Variants in OGA observed in about 807,000 individuals in gnomAD.
OGA encodes the protein protein O-GlcNAcase.
Under a neutral mutation model 102.0 loss-of-function variants are expected in OGA, and 21 were observed. The observed-to-expected ratio is 0.21, with a 90% CI of 0.15 to 0.30. The LOEUF (loss-of-function observed/expected upper bound fraction) is 0.30, where lower values mean the gene tolerates loss of function less well. Ranked by LOEUF, OGA falls within the 10% of genes least tolerant of loss-of-function variation. OGA has a pLI of 1.00. For missense variants in OGA, 765 were observed against 1,107.8 expected, an observed-to-expected ratio of 0.69 and a Z score of 4.39; for synonymous variants, 408 against 378.2, an observed-to-expected ratio of 1.08 and a Z score of -0.91.
At chr10:101,793,562 T>A (rs1221622020) in intron 11 of OGA, 1 of 164,234 alleles carries the variant, frequency 6.1e-6, no homozygotes, top group Admixed American at 6.2e-5. Context: ...TCACCATTTA[T>A]TGGCATAATT....
chr10:101,794,198 T>G (rs1265706683), intron 10 of OGA, 200 bp from the exon 11 acceptor site: 3 of 391,978 alleles, frequency 7.7e-6, no homozygotes, highest in African/African-American at 6.2e-5. Context: ...CTCCAATTAA[T>G]GAATAATCAG....
intron 7 of OGA, among the ~76,000 whole-genome samples, chr10:101,802,830 T>C (rs556661383): frequency 1.3e-5 from 2 of 150,460 alleles, no homozygotes; most frequent in East Asian, 4.0e-4. Context: ...AGTAAGCCAA[T>C]GTCTAAAATA....
At chr10:101,816,746 T>C (rs1357080061) in intron 1 of OGA, among the ~76,000 whole-genome samples, 1 of 152,188 alleles carries the variant, frequency 6.6e-6, no homozygotes, top group Non-Finnish European at 1.5e-5. Context: ...AGCAGCAAAG[T>C]AGCCTGTTAT....
chr10:101,817,406 G>A (rs551911234), intron 1 of OGA, among the ~76,000 whole-genome samples: 3 of 152,338 alleles, frequency 2.0e-5, no homozygotes, highest in African/African-American at 7.2e-5. Flanking sequence ...CACTCCAGAA[G>A]TACAAGCACG....
rs1455579483 is a variant in OGA, at chr10:101,786,322, GTCT to G, written c.*126_*128del. ...AAGTGTGATGGGTGAGTTTTACATA[GTCT>G]TCTTTGTTTCGAATCCAATTGGCTG... is the stretch of plus-strand genomic sequence containing the variant. On this transcript the variant is annotated 3_prime_UTR_variant, in exon 16 of 16. Transcript: ENST00000361464. The G allele has an allele frequency of 3.2e-5, 31 of 975,568 alleles. No individual in the cohort carries two copies. The highest frequency in any genetic ancestry group is 4.3e-5 in the Non-Finnish European group (30 of 701,396). The allele number at this position is 975,568 out of a possible 1,614,324, so 60.4% of individuals were successfully genotyped here.
chr10:101,792,976 T>G, intron 11 of OGA, 33 bp from the exon 12 acceptor site: 1 of 1,555,490 alleles, frequency 6.4e-7, no homozygotes, highest in Non-Finnish European at 8.9e-7. Context: ...ATGGATTAGT[T>G]TGGGGAAGGT....
At position 101,784,812 on chromosome 10, in the gene OGA, T is replaced by C. The variant is rs1008382053; in HGVS notation, c.*1639A>G. ...AGGAAAACTCAGCTGTCTTACTATC[T>C]GGTAAGAGTCTTCCCTTCATCTCAA... On this transcript the variant is annotated 3_prime_UTR_variant, in exon 16 of 16. Coordinates refer to ENST00000361464, the MANE Select transcript of OGA (RefSeq NM_012215.5). 2 of 152,266 alleles carry C rather than the reference T, an allele frequency of 1.3e-5. No individual in the cohort carries two copies. Among genetic ancestry groups the C allele is most frequent in the African/African-American group, 4.8e-5 (2 of 41,478 alleles). 9.4% of individuals were successfully genotyped at this position (152,266 alleles called of 1,614,324 possible).
At chr10:101,799,524 T>TA in intron 8 of OGA, 69 bp from the exon 9 acceptor site, 1 of 1,429,422 alleles carries the variant, frequency 7.0e-7, no homozygotes, top group East Asian at 2.3e-5. Context: ...TAGAACACAT[T>TA]AGATTCAGAA....
rs2065671584 is a variant in OGA at position 101,818,391 on chromosome 10, G to T, written c.-369C>A. 2.9e-6 allele frequency: 3 copies of T among 1,030,912 alleles called. No homozygotes were observed. Among genetic ancestry groups the T allele is most frequent in the African/African-American group, 3.4e-5 (2 of 58,756 alleles). 63.9% of individuals were successfully genotyped at this position (1,030,912 alleles called of 1,614,324 possible). On this transcript the variant is annotated 5_prime_UTR_variant, in exon 1 of 16. Transcript: ENST00000361464. ...AGGTCTTCCGCTGTTTCCCCTCCAAGCCCCGAGCTCTCCCTCTGCTGCTGC... is the reference window on the plus strand; with the variant it reads ...AGGTCTTCCGCTGTTTCCCCTCCAATCCCCGAGCTCTCCCTCTGCTGCTGC...
chr10:101,797,796 T>C, intron 10 of OGA, 184 bp downstream of exon 10: 1 of 621,160 alleles, frequency 1.6e-6, no homozygotes, highest in Non-Finnish European at 2.8e-6. Context: ...TTAATGTGCT[T>C]GATGTATTTA....
At chr10:101,795,026 G>A (rs2065299184) in intron 10 of OGA, among the ~76,000 whole-genome samples, 1 of 152,072 alleles carries the variant, frequency 6.6e-6, no homozygotes, top group Non-Finnish European at 1.5e-5. Flanking sequence ...GTTTGTATCT[G>A]GTTTGTCATT....
chr10:101,818,092 G>C lies in OGA; in HGVS notation c.-70C>G. 4 of 1,447,348 alleles carry C rather than the reference G, an allele frequency of 2.8e-6. No individual in the cohort carries two copies. Among genetic ancestry groups the C allele is most frequent in the Non-Finnish European group, 1.8e-6 (2 of 1,098,738 alleles). 89.7% of individuals were successfully genotyped at this position (1,447,348 alleles called of 1,614,324 possible). ...CTCTGTCCGTTGGGGCACCGGCCCG[G>C]AGCCCTGGAGAGGGCTTCAGCTCCA... On this transcript the variant is annotated 5_prime_UTR_variant, in exon 1 of 16. Coordinates refer to ENST00000361464, the MANE Select transcript of OGA (RefSeq NM_012215.5).
In OGA at chr10:101,813,017, AG is replaced by A. The variant is rs771731487; in HGVS notation, c.349+12del. On this transcript the variant is annotated intron_variant, in intron 3 of 15. Coordinates refer to ENST00000361464, the MANE Select transcript of OGA (RefSeq NM_012215.5). Reference sequence around the variant, plus strand: ...ACAGATTTTGAATTTATGGATAAAAAGAAAAAGATTACCAGCTTCCTCCACT... The same window carrying A: ...ACAGATTTTGAATTTATGGATAAAAAAAAAAGATTACCAGCTTCCTCCACT... The A allele has an allele frequency of 6.9e-5, 109 of 1,573,462 alleles. No individual in the cohort carries two copies. In the African/African-American group the frequency reaches 1.4e-3, roughly 20 times the overall value.
intron 8 of OGA, among the ~76,000 whole-genome samples, 178 bp downstream of exon 8, chr10:101,800,061 CAAG>C (rs1183701417): frequency 6.6e-6 from 1 of 152,012 alleles, no homozygotes; most frequent in Non-Finnish European, 1.5e-5. Context: ...TTAGTAGGGA[CAAG>C]GTTTCACTAT....
At chr10:101,817,742 G>A in intron 1 of OGA, 82 bp downstream of exon 1, 1 of 1,460,196 alleles carries the variant, frequency 6.8e-7, no homozygotes, top group East Asian at 2.5e-5. Flanking sequence ...GCCTTTTAGA[G>A]TCTCCAAAAT....
At chr10:101,806,022 T>G in intron 6 of OGA, 23 bp downstream of exon 6, 1 of 1,475,146 alleles carries the variant, frequency 6.8e-7, no homozygotes, top group Non-Finnish European at 9.5e-7. Flanking sequence ...CAACTTTGAC[T>G]GTATAAATCT....
chr10:101,817,817 C>T lies in OGA; in HGVS notation c.199+7G>A. On this transcript the variant is annotated splice_region_variant and intron_variant, in intron 1 of 15. Coordinates refer to ENST00000361464, the MANE Select transcript of OGA (RefSeq NM_012215.5). ...TGCCAAAACGGGGAGGGAAGGAGGG[C>T]GCTCACCTTCCACCACACCGCAGAG... The T allele has an allele frequency of 6.5e-7, 1 of 1,537,032 alleles. No homozygotes were observed. Among genetic ancestry groups the T allele is most frequent in the Non-Finnish European group, 8.7e-7 (1 of 1,146,336 alleles).
chr10:101,790,360 G>A (rs771552436), intron 14 of OGA, among the ~76,000 whole-genome samples: 58 of 131,230 alleles, frequency 4.4e-4, no homozygotes, highest in Non-Finnish European at 7.9e-4. Flanking sequence ...GCAACCTCCC[G>A]CTCCTGGGTT....
intron 8 of OGA, 141 bp from the exon 9 acceptor site, chr10:101,799,596 T>A: frequency 1.1e-6 from 1 of 913,764 alleles, no homozygotes; most frequent in Non-Finnish European, 1.6e-6. Flanking sequence ...ATTTGACCTC[T>A]AAGAAAAATG....
Sources: allele counts gnomAD v4.1 joint callset (sites outside exome capture counted in the v4.1 genomes callset), GRCh38; gene constraint gnomAD v4.1.1; transcripts MANE v1.5; gene names NCBI Gene and HGNC (gene_info 2026-07-23, HGNC 2026-07-21).